Variants in PDE11A observed in about 807,000 individuals in gnomAD.
PDE11A encodes the protein dual 3',5'-cyclic-AMP and -GMP phosphodiesterase 11A.
Under a neutral mutation model 100.5 loss-of-function variants are expected in PDE11A, and 100 were observed. The observed-to-expected ratio is 1.00, with a 90% confidence interval of 0.85 to 1.18. PDE11A has a LOEUF of 1.18. PDE11A is among the 50% of genes most tolerant of loss of function. The pLI, the probability that PDE11A is intolerant of heterozygous loss-of-function variation, is 0.00. For synonymous variants in PDE11A, 381 were observed against 420.8 expected (o/e 0.91, Z 1.16); for missense variants, 1,141 against 1,152.6 (o/e 0.99, Z 0.15).
intron 2 of PDE11A, among the ~76,000 whole-genome samples, chr2:177,943,811 TA>T (rs532392365): frequency 1.1e-4 from 16 of 152,198 alleles, no homozygotes; most frequent in Non-Finnish European, 2.1e-4. Flanking sequence ...AAATTCAGTG[TA>T]ACGAAACTTT....
chr2:178,010,151 A>G (rs1340848345), intron 2 of PDE11A, among the ~76,000 whole-genome samples: 1 of 152,246 alleles, frequency 6.6e-6, no homozygotes, highest in Admixed American at 6.5e-5. Context: ...GAGGCTAGAA[A>G]GATGCAGCCA....
chr2:177,882,008 T>G (rs2084351261), intron 4 of PDE11A, among the ~76,000 whole-genome samples: 1 of 152,234 alleles, frequency 6.6e-6, no homozygotes, highest in African/African-American at 2.4e-5. Flanking sequence ...ACATAATCTT[T>G]TAATTTGAAA....
At chr2:177,819,890 C>CTG (rs1320189164) in intron 7 of PDE11A, among the ~76,000 whole-genome samples, 35 of 138,880 alleles carry the variant, frequency 2.5e-4, no homozygotes, top group Non-Finnish European at 4.3e-4. Flanking sequence ...CTCTCTCTCT[C>CTG]TCTCTGTCTC....
chr2:177,724,385 T>C (rs2081570734), intron 12 of PDE11A, among the ~76,000 whole-genome samples: 1 of 152,040 alleles, frequency 6.6e-6, no homozygotes, highest in Non-Finnish European at 1.5e-5. Flanking sequence ...ACCTGAATAC[T>C]TTTGCAAAAC....
chr2:177,801,673 A>C (rs987004161), intron 9 of PDE11A, among the ~76,000 whole-genome samples: 1 of 152,166 alleles, frequency 6.6e-6, no homozygotes, highest in African/African-American at 2.4e-5. Context: ...ATAAATGATA[A>C]ATATTTTATT....
At chr2:178,104,082 A>C (rs1321412661) in intron 2 of PDE11A, among the ~76,000 whole-genome samples, 1 of 152,232 alleles carries the variant, frequency 6.6e-6, no homozygotes, top group African/African-American at 2.4e-5. Context: ...TACCCTGTAT[A>C]GGCAAAAACC....
Position 177,660,049 on chromosome 2 carries a change from T to TCTTTCCTTCTTTC in PDE11A, c.2646+3816_2646+3817insGAAAGAAGGAAAG, listed in dbSNP as rs1559130580. On this transcript the variant is annotated intron_variant, in intron 19 of 19. Coordinates refer to ENST00000286063, the MANE Select transcript of PDE11A (RefSeq NM_016953.4). Reference sequence around the variant, plus strand: ...ACAATCATTTTCTTTCTTTCTTTCTTTCTTTCTTTCTTTCTTTCTTTCTTT... The same window carrying TCTTTCCTTCTTTC: ...ACAATCATTTTCTTTCTTTCTTTCTTCTTTCCTTCTTTCTCTTTCTTTCTTTCTTTCTTTCTTT... Among the ~76,000 whole-genome samples, 52 of 135,300 alleles carry TCTTTCCTTCTTTC rather than the reference T, an allele frequency of 3.8e-4. 11 individuals carry two copies. Among genetic ancestry groups the TCTTTCCTTCTTTC allele is most frequent in the Admixed American group, 1.1e-3 (15 of 13,784 alleles). 88.8% of individuals were successfully genotyped at this position (135,300 alleles called of 152,430 possible). A position where few individuals can be genotyped will look rare whatever the true frequency, so the allele number is the denominator to read the frequency against.
At chr2:177,645,559 A>G (rs1400793641) in intron 19 of PDE11A, among the ~76,000 whole-genome samples, 3 of 152,200 alleles carry the variant, frequency 2.0e-5, no homozygotes, top group Non-Finnish European at 4.4e-5. Flanking sequence ...TGGCTTTTCT[A>G]GATTATTTTT....
chr2:177,636,758 A>G (rs1236869404), intron 19 of PDE11A, among the ~76,000 whole-genome samples: 9 of 152,180 alleles, frequency 5.9e-5, no homozygotes, highest in Admixed American at 5.9e-4. Flanking sequence ...AGAATGCTCT[A>G]GAAGCCAGTA....
chr2:177,810,560 A>G (rs570156993), intron 9 of PDE11A, among the ~76,000 whole-genome samples: 1 of 152,302 alleles, frequency 6.6e-6, no homozygotes, highest in Admixed American at 6.5e-5. Context: ...AGGTTAGAGC[A>G]GAGATCAGAT....
chr2:177,636,055 G>T (rs1441440108), intron 19 of PDE11A, among the ~76,000 whole-genome samples: 1 of 151,978 alleles, frequency 6.6e-6, no homozygotes, highest in Non-Finnish European at 1.5e-5. Flanking sequence ...CTGGGTGAAA[G>T]GGAATGTGTA....
intron 2 of PDE11A, among the ~76,000 whole-genome samples, chr2:177,961,122 GCCCAACATTCAATGT>G (rs2085627217): frequency 6.6e-6 from 1 of 152,118 alleles, no homozygotes; most frequent in Non-Finnish European, 1.5e-5. Context: ...AGGTTTCTCA[GCCCAACATTCAATGT>G]CCTGTGTAAT....
intron 10 of PDE11A, among the ~76,000 whole-genome samples, chr2:177,754,594 C>T (rs1212474425): frequency 6.6e-6 from 1 of 152,254 alleles, no homozygotes; most frequent in Non-Finnish European, 1.5e-5. Flanking sequence ...TCACCTTCCT[C>T]CCCTGACCTT....
intron 3 of PDE11A, among the ~76,000 whole-genome samples, chr2:177,904,559 T>C (rs1187946622): frequency 3.5e-5 from 5 of 142,132 alleles, no homozygotes; most frequent in African/African-American, 7.8e-5. Flanking sequence ...TAATCTCCTT[T>C]TTTTTTTTTT....
intron 1 of PDE11A, among the ~76,000 whole-genome samples, chr2:178,048,400 T>C (rs1054486334): frequency 1.3e-4 from 20 of 152,006 alleles, no homozygotes; most frequent in Non-Finnish European, 2.2e-4. Flanking sequence ...ATCTGAGAGG[T>C]GGCATGGCAT....
chr2:177,680,866 C>T lies in PDE11A; in HGVS notation c.2383G>A (p.Glu795Lys). The change falls in exon 16 of 20, where the codon GAA (glutamate) becomes AAA (lysine). Residue 795 changes from glutamate (E) to lysine (K), a missense_variant. Transcript: ENST00000286063. ...TGGTTTTTGATGTTCCAATCGTATT[C>T]TCCTTTACTGACAAGTTCAAAGAAT... ...TEFFELVSKG[E>K]YDWNIKNHRD... The T allele has an allele frequency of 1.9e-6, 3 of 1,596,078 alleles. No homozygotes were observed. Among genetic ancestry groups the T allele is most frequent in the Non-Finnish European group, 2.6e-6 (3 of 1,164,516 alleles).
intron 4 of PDE11A, among the ~76,000 whole-genome samples, chr2:177,878,271 A>G (rs1194549779): frequency 6.6e-6 from 1 of 152,150 alleles, no homozygotes; most frequent in Non-Finnish European, 1.5e-5. Context: ...CTTCTATCCC[A>G]TATTCTTCTC....
intron 10 of PDE11A, among the ~76,000 whole-genome samples, chr2:177,730,244 A>G (rs1367082184): frequency 6.6e-6 from 1 of 152,088 alleles, no homozygotes; most frequent in African/African-American, 2.4e-5. Context: ...ACCCCACGAC[A>G]GATCCCGGTG....
intron 2 of PDE11A, among the ~76,000 whole-genome samples, chr2:178,007,040 A>G (rs776788339): frequency 5.3e-5 from 8 of 152,192 alleles, no homozygotes; most frequent in Non-Finnish European, 7.3e-5. Context: ...TTCATCTACC[A>G]CAGCATCTTT....
Sources: allele counts gnomAD v4.1 joint callset (sites outside exome capture counted in the v4.1 genomes callset), GRCh38; gene constraint gnomAD v4.1.1; transcripts MANE v1.5; gene names NCBI Gene and HGNC (gene_info 2026-07-23, HGNC 2026-07-21).